Variants in LINGO2 observed in about 807,000 individuals in gnomAD.
The protein encoded by LINGO2 is leucine rich repeat and Ig domain containing 2.
A neutral mutation model predicts 30.6 loss-of-function variants in LINGO2; 14 were observed. That is an observed-to-expected ratio of 0.46 (90% CI 0.30 to 0.72). The LOEUF (loss-of-function observed/expected upper bound fraction) is 0.72, where lower values mean the gene tolerates loss of function less well. Ranked by LOEUF, LINGO2 falls within the 30% of genes least tolerant of loss-of-function variation. The pLI is 0.07. For synonymous variants in LINGO2, 317 were observed against 288.5 expected (o/e 1.10, Z -1.00); for missense variants, 729 against 751.7 (o/e 0.97, Z 0.35).
At chr9:28,993,814 A>C in the LINGO2 span, among the ~76,000 whole-genome samples, 5 of 152,166 alleles carry the variant, frequency 3.3e-5, no homozygotes, top group Admixed American at 6.5e-5. Flanking sequence ...AGAAAATTCA[A>C]CAACCCTGCA....
the LINGO2 span, among the ~76,000 whole-genome samples, chr9:28,872,539 A>T: frequency 8.5e-5 from 13 of 152,154 alleles, no homozygotes; most frequent in Non-Finnish European, 1.3e-4. Flanking sequence ...CAATTTCTGA[A>T]TCAGTTGTTT....
intron 3 of LINGO2, among the ~76,000 whole-genome samples, chr9:28,300,249 G>A (rs948857863): frequency 6.6e-6 from 1 of 151,906 alleles, no homozygotes; most frequent in Non-Finnish European, 1.5e-5. Flanking sequence ...TTTTGTATGT[G>A]TAGCTACATT....
At chr9:29,087,123 G>A in the LINGO2 span, among the ~76,000 whole-genome samples, 8 of 151,904 alleles carry the variant, frequency 5.3e-5, no homozygotes, top group Non-Finnish European at 8.8e-5. Flanking sequence ...GTGATCCACC[G>A]GCCCTGGCCT....
At chr9:28,625,186 G>C (rs1306928962) in intron 1 of LINGO2, among the ~76,000 whole-genome samples, 1 of 152,052 alleles carries the variant, frequency 6.6e-6, no homozygotes, top group African/African-American at 2.4e-5. Context: ...CTCTTGGTTA[G>C]GGCTGGTCCA....
At chr9:28,897,334 T>C in the LINGO2 span, among the ~76,000 whole-genome samples, 2 of 152,140 alleles carry the variant, frequency 1.3e-5, no homozygotes, top group Non-Finnish European at 2.9e-5. Context: ...CCTAAGTTTA[T>C]ACATCACATC....
At chr9:28,054,814 T>TA (rs1824846561) in intron 4 of LINGO2, among the ~76,000 whole-genome samples, 1 of 152,146 alleles carries the variant, frequency 6.6e-6, no homozygotes, top group East Asian at 1.9e-4. Flanking sequence ...AATATTTCCT[T>TA]AAGTTTACTA....
the LINGO2 span, among the ~76,000 whole-genome samples, chr9:29,092,846 G>A: frequency 1.6e-4 from 22 of 136,038 alleles, 3 homozygotes; most frequent in African/African-American, 5.5e-4. Context: ...TTGTACATAT[G>A]AACATAATTC....
intron 4 of LINGO2, among the ~76,000 whole-genome samples, chr9:28,274,375 A>C (rs1271275234): frequency 6.6e-6 from 1 of 152,184 alleles, no homozygotes; most frequent in Non-Finnish European, 1.5e-5. Flanking sequence ...ATGCATGGCT[A>C]ATGTTTGGGT....
the LINGO2 span, among the ~76,000 whole-genome samples, chr9:29,157,057 T>C: frequency 6.6e-6 from 1 of 151,954 alleles, no homozygotes; most frequent in Admixed American, 6.6e-5. Context: ...AAGAACTAAA[T>C]TGCATATAAT....
chr9:28,852,610 A>G, the LINGO2 span, among the ~76,000 whole-genome samples: 1 of 152,004 alleles, frequency 6.6e-6, no homozygotes, highest in African/African-American at 2.4e-5. Flanking sequence ...ATTCAAGATA[A>G]CAGCTTAGAT....
the LINGO2 span, among the ~76,000 whole-genome samples, chr9:28,675,334 T>C: frequency 6.6e-6 from 1 of 152,152 alleles, no homozygotes; most frequent in Non-Finnish European, 1.5e-5. Flanking sequence ...TAATAAAACT[T>C]GAAACCTGTA....
chr9:28,884,809 AGTATATATATATATTTCTTTAGCAATT>A, the LINGO2 span, among the ~76,000 whole-genome samples: 1 of 142,512 alleles, frequency 7.0e-6, no homozygotes, highest in South Asian at 2.1e-4. Flanking sequence ...ATTCTTTAGC[AGTATATATATATATTTCTTTAGCAATT>A]GTATATATAT....
intron 1 of LINGO2, among the ~76,000 whole-genome samples, chr9:28,603,494 T>G (rs958803524): frequency 5.9e-5 from 9 of 152,038 alleles, no homozygotes; most frequent in Non-Finnish European, 5.9e-5. Flanking sequence ...ATATTCTAAA[T>G]TGTAGCCACA....
At chr9:28,179,806 C>G (rs1420527880) in intron 4 of LINGO2, among the ~76,000 whole-genome samples, 1 of 151,060 alleles carries the variant, frequency 6.6e-6, no homozygotes. Flanking sequence ...TTTGTTTTCT[C>G]TTTCTCACTT....
intron 2 of LINGO2, among the ~76,000 whole-genome samples, chr9:28,460,724 C>T (rs903952741): frequency 6.6e-6 from 1 of 151,990 alleles, no homozygotes; most frequent in Non-Finnish European, 1.5e-5. Flanking sequence ...ATTAATTCCT[C>T]TACTGTGCAG....
At chr9:28,039,331 T>C (rs1587745558) in intron 4 of LINGO2, among the ~76,000 whole-genome samples, 1 of 152,236 alleles carries the variant, frequency 6.6e-6, no homozygotes, top group African/African-American at 2.4e-5. Context: ...AGAAGTTCTA[T>C]ATATAAACTA....
chr9:27,983,242 G>A (rs1309895891), intron 5 of LINGO2, among the ~76,000 whole-genome samples: 1 of 151,864 alleles, frequency 6.6e-6, no homozygotes, highest in Non-Finnish European at 1.5e-5. Context: ...TACATAAAAA[G>A]CATTAGTTAA....
the LINGO2 span, among the ~76,000 whole-genome samples, chr9:28,762,468 A>C: frequency 6.6e-6 from 1 of 152,072 alleles, no homozygotes; most frequent in African/African-American, 2.4e-5. Context: ...TTTGTGTTTT[A>C]ACTTTAAAGC....
chr9:28,286,160 A>G (rs969384147), intron 4 of LINGO2, among the ~76,000 whole-genome samples: 2 of 152,224 alleles, frequency 1.3e-5, no homozygotes, highest in African/African-American at 4.8e-5. Context: ...TTAGTTAACC[A>G]TGAGAGGATA....
Sources: allele counts gnomAD v4.1 joint callset (sites outside exome capture counted in the v4.1 genomes callset), GRCh38; gene constraint gnomAD v4.1.1; transcripts MANE v1.5; gene names NCBI Gene and HGNC (gene_info 2026-07-23, HGNC 2026-07-21).